Variants in NCS1 observed in about 807,000 individuals in gnomAD.
NCS1 encodes the protein frequenin homolog.
A neutral mutation model predicts 28.4 loss-of-function variants in NCS1; 6 were observed. The observed-to-expected ratio is 0.21, with a 90% CI of 0.12 to 0.42. The LOEUF (loss-of-function observed/expected upper bound fraction) is 0.42, where lower values mean the gene tolerates loss of function less well. NCS1 is among the 10% of genes least tolerant of loss of function. The pLI, the probability that NCS1 is intolerant of heterozygous loss-of-function variation, is 1.00. For missense variants in NCS1, 131 were observed against 241.4 expected (o/e 0.54, Z 3.03); for synonymous variants, 86 against 99.3 (o/e 0.87, Z 0.79).
chr9:130,190,759 C>T (rs1329583896), intron 1 of NCS1, among the ~76,000 whole-genome samples: 1 of 152,220 alleles, frequency 6.6e-6, no homozygotes, highest in African/African-American at 2.4e-5. Context: ...TAAACCTGGC[C>T]TCCATCTCCA....
At chr9:130,187,715 T>C (rs1832757739) in intron 1 of NCS1, among the ~76,000 whole-genome samples, 1 of 152,200 alleles carries the variant, frequency 6.6e-6, no homozygotes, top group African/African-American at 2.4e-5. Flanking sequence ...TCTATCCCTG[T>C]GTGGAGGGCC....
chr9:130,219,861 A>T lies in NCS1; in HGVS notation c.307+58A>T. On this transcript the variant is annotated intron_variant, in intron 4 of 7. Coordinates refer to ENST00000372398, the MANE Select transcript of NCS1 (RefSeq NM_014286.4). The surrounding 1 kb of genome is among the most constrained non-coding windows in gnomAD (Gnocchi z 5.7). ...CAGCTGGAGGGCCCAGGTCAGAGGG[A>T]GGCAGCCCTCGGCCCTCACCAGGCA... 6.4e-7 allele frequency: 1 copy of T among 1,560,048 alleles called. No homozygotes were observed. The highest frequency in any genetic ancestry group is 8.8e-7 in the Non-Finnish European group (1 of 1,131,634).
intron 1 of NCS1, among the ~76,000 whole-genome samples, chr9:130,189,953 A>C (rs897694071): frequency 2.1e-5 from 3 of 140,524 alleles, no homozygotes; most frequent in African/African-American, 8.2e-5. Context: ...GATGTGGCTT[A>C]CTTCCTTTTG....
At chr9:130,202,908 G>A (rs527556886) in intron 2 of NCS1, among the ~76,000 whole-genome samples, 9 of 152,060 alleles carry the variant, frequency 5.9e-5, no homozygotes, top group East Asian at 1.9e-4. Context: ...GCAGTACTAG[G>A]GGTTAACAGA....
At chr9:130,211,031 T>TTC (rs59532903) in intron 2 of NCS1, among the ~76,000 whole-genome samples, 1 of 144,396 alleles carries the variant, frequency 6.9e-6, no homozygotes, top group Non-Finnish European at 1.5e-5. Flanking sequence ...TTTTTTTTTT[T>TTC]GTAGAGAGAT....
At position 130,208,705 on chromosome 9, in the gene NCS1, T is replaced by C. The variant is rs113748628; in HGVS notation, c.89+7723T>C. On this transcript the variant is annotated intron_variant, in intron 2 of 7. Transcript: ENST00000372398. Reference sequence around the variant, plus strand: ...CAGCTGTTGATTCTGGGCCGCGCCATGCAGAGTGGGCGCGGAGACAGCCTC... The same window carrying C: ...CAGCTGTTGATTCTGGGCCGCGCCACGCAGAGTGGGCGCGGAGACAGCCTC... Among the ~76,000 whole-genome samples the C allele has an allele frequency of 2.7e-3, 408 of 152,350 alleles. 3 individuals carry two copies. The highest frequency in any genetic ancestry group is 9.5e-3 in the African/African-American group (395 of 41,586).
At chr9:130,173,522 C>A (rs1449925510) in intron 1 of NCS1, among the ~76,000 whole-genome samples, 1 of 152,334 alleles carries the variant, frequency 6.6e-6, no homozygotes, top group South Asian at 2.1e-4. Context: ...AGGCTTCCCC[C>A]TTCCCTGCAG....
intron 2 of NCS1, among the ~76,000 whole-genome samples, chr9:130,208,792 G>T (rs933449029): frequency 1.3e-5 from 2 of 152,112 alleles, no homozygotes; most frequent in African/African-American, 4.8e-5. Flanking sequence ...GGTGCCGTGC[G>T]GAGAATACGA....
chr9:130,211,010 A>ATTTTTT (rs34425557), intron 2 of NCS1, among the ~76,000 whole-genome samples: 46 of 92,368 alleles, frequency 5.0e-4, no homozygotes, highest in Non-Finnish European at 7.5e-4. Flanking sequence ...GGCTCCACTA[A>ATTTTTT]TTTTTTTTTT....
In NCS1 at chr9:130,226,302, G is replaced by T; in HGVS notation, c.475-87G>T. On this transcript the variant is annotated intron_variant, in intron 6 of 7. Transcript: ENST00000372398. This position sits in a 1 kb window ranked among gnomAD's most constrained non-coding sequence, Gnocchi z 4.8. ...CTCCCTCCTGATCTAACCTTGGAAGGGCTCTTGGGACCGGCCCTGGGCTGG... is the reference window on the plus strand; with the variant it reads ...CTCCCTCCTGATCTAACCTTGGAAGTGCTCTTGGGACCGGCCCTGGGCTGG... 1 of 1,149,906 alleles carries T rather than the reference G, an allele frequency of 8.7e-7. No homozygotes were observed. The highest frequency in any genetic ancestry group is 1.3e-6 in the Non-Finnish European group (1 of 775,500). 71.2% of individuals were successfully genotyped at this position (1,149,906 alleles called of 1,614,324 possible).
chr9:130,199,897 G>GTTCGTTCATTCATTCA (rs1554907262), intron 1 of NCS1, among the ~76,000 whole-genome samples: 1 of 150,506 alleles, frequency 6.6e-6, no homozygotes, highest in African/African-American at 2.4e-5. Context: ...CTGTTCATGT[G>GTTCGTTCATTCATTCA]TTCATTCATT....
rs966679445 is a variant in NCS1, at chr9:130,175,309, A to G, written c.64+2582A>G. 9.9e-5 allele frequency among the ~76,000 whole-genome samples: 15 copies of G among 152,156 alleles called. No homozygotes were observed. The highest frequency in any genetic ancestry group is 1.9e-4 in the Non-Finnish European group (13 of 68,018). Reference sequence around the variant, plus strand: ...CTTCCTTCTGATGGGGAGTGGAGCCATCTGCTCTTTGTTCTGGGGGATTCT... The same window carrying G: ...CTTCCTTCTGATGGGGAGTGGAGCCGTCTGCTCTTTGTTCTGGGGGATTCT... On this transcript the variant is annotated intron_variant, in intron 1 of 7. Transcript: ENST00000372398. This position sits in a 1 kb window ranked among gnomAD's most constrained non-coding sequence, Gnocchi z 4.9.
intron 2 of NCS1, among the ~76,000 whole-genome samples, chr9:130,214,435 G>A (rs1554909122): frequency 6.6e-6 from 1 of 152,256 alleles, no homozygotes; most frequent in Admixed American, 6.5e-5. Context: ...AAGGAAGTGA[G>A]GCTTCACAGC....
At position 130,175,508 on chromosome 9, in the gene NCS1, C is replaced by T. The variant is rs528009519; in HGVS notation, c.64+2781C>T. Among the ~76,000 whole-genome samples the T allele has an allele frequency of 6.6e-6, 1 of 152,264 alleles. No individual in the cohort carries two copies. The highest frequency in any genetic ancestry group is 2.1e-4 in the South Asian group (1 of 4,824). ...ACGTGTTTGTGCTGCAGATGGTGGT[C>T]CTGGGGAGCCCGGATTGAAGACCAC... is the stretch of plus-strand genomic sequence containing the variant. On this transcript the variant is annotated intron_variant, in intron 1 of 7. Transcript: ENST00000372398. This position sits in a 1 kb window ranked among gnomAD's most constrained non-coding sequence, Gnocchi z 4.9.
chr9:130,203,083 TAC>T (rs1832977772), intron 2 of NCS1, among the ~76,000 whole-genome samples: 1 of 146,316 alleles, frequency 6.8e-6, no homozygotes, highest in African/African-American at 2.5e-5. Flanking sequence ...TGTGTGTGTA[TAC>T]ACATACATAT....
In NCS1 at chr9:130,210,843, C is replaced by CT. The variant is rs3055582; in HGVS notation, c.90-6976dup. On this transcript the variant is annotated intron_variant, in intron 2 of 7. Transcript: ENST00000372398. ...TTCAACACCTTTTTCTTTTTCTTTT[C>CT]TTTTTTTTTTTTTGAGACAGGGTCT... Among the ~76,000 whole-genome samples, 150 of 141,000 alleles carry CT rather than the reference C, an allele frequency of 1.1e-3. 1 individual carries two copies. Among genetic ancestry groups the CT allele is most frequent in the South Asian group, 7.6e-3 (33 of 4,338 alleles). 92.5% of individuals were successfully genotyped at this position (141,000 alleles called of 152,430 possible). A position where few individuals can be genotyped will look rare whatever the true frequency, so the allele number is the denominator to read the frequency against.
chr9:130,202,468 C>T (rs150129284), intron 2 of NCS1, among the ~76,000 whole-genome samples: 65 of 151,742 alleles, frequency 4.3e-4, no homozygotes, highest in Non-Finnish European at 7.2e-4. Context: ...TGCATCCTGT[C>T]GGCACTCTGA....
intron 7 of NCS1, among the ~76,000 whole-genome samples, chr9:130,231,189 A>C (rs1345504634): frequency 3.9e-5 from 6 of 151,958 alleles, no homozygotes; most frequent in Non-Finnish European, 8.8e-5. Flanking sequence ...TGTCTCTACC[A>C]AAAATACAAA....
At position 130,192,746 on chromosome 9, in the gene NCS1, G is replaced by C. The variant is rs1588112867; in HGVS notation, c.65-8212G>C. ...CCAGGAGCCGGTGCTGCAGTGAGTG[G>C]GGGGAGTGATCTGAGGCCTTGTGTG... On this transcript the variant is annotated intron_variant, in intron 1 of 7. Transcript: ENST00000372398. This position sits in a 1 kb window ranked among gnomAD's most constrained non-coding sequence, Gnocchi z 4.8. Among the ~76,000 whole-genome samples, 2 of 152,142 alleles carry C rather than the reference G, an allele frequency of 1.3e-5. No homozygotes were observed. Among genetic ancestry groups the C allele is most frequent in the East Asian group, 3.9e-4 (2 of 5,184 alleles).
Sources: gnomAD v4.1 joint callset for allele counts (sites outside exome capture counted in the v4.1 genomes callset) on GRCh38, gnomAD v4.1.1 for gene constraint, Gnocchi (gnomAD v3.1) non-coding constraint, MANE v1.5 for transcripts, NCBI Gene and HGNC (gene_info 2026-07-23, HGNC 2026-07-21) for gene names.